The following TTLL10 variants were observed in gnomAD, a reference collection of about 807,000 sequenced individuals.
TTLL10 encodes tubulin tyrosine ligase like 10.
In TTLL10, 61 loss-of-function variants were observed where a neutral mutation model predicts 69.0. That is an observed-to-expected ratio of 0.88 (90% CI 0.72 to 1.09). The LOEUF is 1.09. Among genes scored for constraint, TTLL10 ranks in the 50% least tolerant of loss-of-function variants. The pLI is 0.00. For missense variants in TTLL10, 962 were observed against 945.9 expected (o/e 1.02, Z -0.22); for synonymous variants, 408 against 393.3 (o/e 1.04, Z -0.44).
At chr1:1,178,946 T>G (rs1646953305) in intron 3 of TTLL10, among the ~76,000 whole-genome samples, 1 of 152,088 alleles carries the variant, frequency 6.6e-6, no homozygotes, top group African/African-American at 2.4e-5. Context: ...GAAGAGCCGC[T>G]CCGGCCAGGG....
rs1192208741 is a variant in TTLL10, at chr1:1,180,842, C to T, written c.737C>T (p.Pro246Leu). The T allele has an allele frequency of 3.8e-6, 6 of 1,573,914 alleles. No homozygotes were observed. Among genetic ancestry groups the T allele is most frequent in the Admixed American group, 1.8e-5 (1 of 55,830 alleles). ...GCCATGAGCAAGGCCAGCAAGGTGC[C>T]GGGGGGGGTCCAGGCCAGGTGAGTC... ...ARAMSKASKV[P>L]GGVQARLEKD... The change falls in exon 8 of 16, where the codon CCG becomes CTG. Residue 246 changes from proline to leucine, a missense_variant. Physicochemically the swap from Pro to Leu is moderately conservative, Grantham distance 98. Coordinates refer to ENST00000379289, the MANE Select transcript of TTLL10 (RefSeq NM_001130045.2).
At chr1:1,197,054 G>C in intron 14 of TTLL10, 39 bp from the exon 15 acceptor site, 1 of 1,543,894 alleles carries the variant, frequency 6.5e-7, no homozygotes, top group South Asian at 1.2e-5. Context: ...TGGCCCAGTG[G>C]GCTCGGGGTG....
chr1:1,181,976 C>T lies in TTLL10; in HGVS notation c.830+161C>T, dbSNP rs955016244. Among the ~76,000 whole-genome samples, 2 of 152,392 alleles carry T rather than the reference C, an allele frequency of 1.3e-5. No individual in the cohort carries two copies. Among genetic ancestry groups the T allele is most frequent in the Admixed American group, 1.3e-4 (2 of 15,310 alleles). ...GCCAGGCCGAGATCCACGCTGACCC[C>T]CCAGTGCACACAGAGCTGGGGCAGG... is the stretch of plus-strand genomic sequence containing the variant. On this transcript the variant is annotated intron_variant, in intron 9 of 15. Coordinates refer to ENST00000379289, the MANE Select transcript of TTLL10 (RefSeq NM_001130045.2). The surrounding 1 kb of genome is among the most constrained non-coding windows in gnomAD (Gnocchi z 4.6).
Position 1,197,428 on chromosome 1 carries a change from C to A in TTLL10, c.1613-10C>A. 3.3e-6 allele frequency: 5 copies of A among 1,523,396 alleles called. No individual in the cohort carries two copies. Among genetic ancestry groups the A allele is most frequent in the Non-Finnish European group, 4.4e-6 (5 of 1,135,836 alleles). The allele number at this position is 1,523,396 out of a possible 1,614,324, so 94.4% of individuals were successfully genotyped here. A position where few individuals can be genotyped will look rare whatever the true frequency, so the allele number is the denominator to read the frequency against. On this transcript the variant is annotated splice_polypyrimidine_tract_variant and intron_variant, in intron 15 of 15. Transcript: ENST00000379289. Reference sequence around the variant, plus strand: ...CCCCCCACTCACCCTCTCTCCCCCACCCGCACCAGACCTGGTGCTCGAGAC... The same window carrying A: ...CCCCCCACTCACCCTCTCTCCCCCAACCGCACCAGACCTGGTGCTCGAGAC...
At chr1:1,190,981 A>G (rs1647731522) in intron 13 of TTLL10, among the ~76,000 whole-genome samples, 1 of 152,002 alleles carries the variant, frequency 6.6e-6, no homozygotes, top group Admixed American at 6.6e-5. Context: ...ACCTGCCACC[A>G]CGCCTGGCTA....
At position 1,177,513 on chromosome 1, in the gene TTLL10, A is replaced by G. The variant is rs1259642933; in HGVS notation, c.-27-1676A>G. Among the ~76,000 whole-genome samples the G allele has an allele frequency of 3.9e-5, 6 of 152,242 alleles. No individual in the cohort carries two copies. In the East Asian group the frequency reaches 1.2e-3, roughly 29 times the overall value. On this transcript the variant is annotated intron_variant, in intron 3 of 15. Transcript: ENST00000379289. ...TTTTTAGTAGAGACAAGGTTTCATC[A>G]TATTAGCCAGGATGGTCTCAATCTC...
intron 13 of TTLL10, among the ~76,000 whole-genome samples, chr1:1,187,356 G>A (rs1205023813): frequency 6.6e-6 from 1 of 152,100 alleles, no homozygotes; most frequent in African/African-American, 2.4e-5. Context: ...TGTGCCAGGT[G>A]CGGTGACTCA....
In TTLL10 at chr1:1,181,767, C is replaced by T. The variant is rs1345708939; in HGVS notation, c.782C>T (p.Ala261Val). 5.0e-6 allele frequency: 8 copies of T among 1,607,992 alleles called. No individual in the cohort carries two copies. The Admixed American group carries it at 1.0e-4, about 20-fold the overall frequency. ...CTGGAAAAGGACGCAGCAGCGCCCG[C>T]CCTGGAGGACCTCCCGTGGACAAGC... ...ARLEKDAAAP[A>V]LEDLPWTSPG... Residue 261 changes from alanine (A) to valine (V), a missense_variant, in exon 9 of 16, where the codon GCC becomes GTC. By Grantham distance (64) the Ala-to-Val change is moderately conservative. Transcript: ENST00000379289. The surrounding 1 kb of genome is among the most constrained non-coding windows in gnomAD (Gnocchi z 4.6).
chr1:1,177,080 CTGTGTG>C (rs530565264), intron 3 of TTLL10, among the ~76,000 whole-genome samples: 3 of 146,560 alleles, frequency 2.0e-5, no homozygotes, highest in Non-Finnish European at 4.5e-5. Flanking sequence ...GTGTGGGTGT[CTGTGTG>C]TGTGTCTGTG....
chr1:1,193,480 T>G (rs918138524), intron 13 of TTLL10, among the ~76,000 whole-genome samples: 4 of 152,008 alleles, frequency 2.6e-5, no homozygotes, highest in Non-Finnish European at 5.9e-5. Flanking sequence ...TTTTTTTTTT[T>G]GAAACGGAGT....
Position 1,180,186 on chromosome 1 carries a change from A to C in TTLL10, c.352A>C (p.Asn118His). 1 of 1,611,300 alleles carries C rather than the reference A, an allele frequency of 6.2e-7. No homozygotes were observed. Among genetic ancestry groups the C allele is most frequent in the African/African-American group, 1.3e-5 (1 of 74,992 alleles). The stretch of plus-strand genomic sequence containing the variant: ...CACACCCGGACCCCCTGGGCTCCTG[A>C]ACAGCCACCGGCCTGCAGACTCGGA... Reference protein sequence around the residue: ...SATPGPPGLLNSHRPADSDDT... With the variant: ...SATPGPPGLLHSHRPADSDDT... Residue 118 changes from asparagine to histidine, a missense_variant, in exon 6 of 16, where the codon AAC becomes CAC. Transcript: ENST00000379289.
chr1:1,185,015 C>G lies in TTLL10; in HGVS notation c.1307C>G (p.Thr436Arg). 6.2e-7 allele frequency: 1 copy of G among 1,613,814 alleles called. No individual in the cohort carries two copies. The highest frequency in any genetic ancestry group is 1.3e-5 in the African/African-American group (1 of 75,060). Reference sequence around the variant, plus strand: ...CTGTACATGCTGCTGAAGGAGCACACGGTGTGGAGCATGGAACACCTCAAC... The same window carrying G: ...CTGTACATGCTGCTGAAGGAGCACAGGGTGTGGAGCATGGAACACCTCAAC... ...SPLYMLLKEH[T>R]VWSMEHLNRY... Residue 436 changes from threonine to arginine, a missense_variant, in exon 13 of 16, where the codon ACG becomes AGG. By Grantham distance (71) the Thr-to-Arg change is moderately conservative. Transcript: ENST00000379289. This position sits in a 1 kb window ranked among gnomAD's most constrained non-coding sequence, Gnocchi z 6.1.
At position 1,183,006 on chromosome 1, in the gene TTLL10, C is replaced by G. The variant is rs752651634; in HGVS notation, c.1047C>G (p.His349Gln). 11 of 1,609,816 alleles carry G rather than the reference C, an allele frequency of 6.8e-6. No individual in the cohort carries two copies. The highest frequency in any genetic ancestry group is 1.3e-5 in the African/African-American group (1 of 74,810). The stretch of plus-strand genomic sequence containing the variant: ...GCATGGAGGACGACCCCATCCACCA[C>G]AAGACGCCGTTCCGGGGGCCTCAGG... ...TRSMEDDPIHHKTPFRGPQAR... is the reference protein window; with the variant it reads ...TRSMEDDPIHQKTPFRGPQAR... Residue 349 changes from histidine to glutamine, a missense_variant, in exon 11 of 16, where the codon CAC becomes CAG. Physicochemically the swap from His to Gln is conservative, Grantham distance 24. Coordinates refer to ENST00000379289, the MANE Select transcript of TTLL10 (RefSeq NM_001130045.2).
At chr1:1,188,640 G>A (rs1490093551) in intron 13 of TTLL10, among the ~76,000 whole-genome samples, 1 of 152,108 alleles carries the variant, frequency 6.6e-6, no homozygotes, top group African/African-American at 2.4e-5. Context: ...CCTGACCTCA[G>A]GCGATCTGCC....
intron 13 of TTLL10, among the ~76,000 whole-genome samples, chr1:1,186,350 A>G (rs1183381612): frequency 2.0e-5 from 3 of 152,078 alleles, no homozygotes; most frequent in Non-Finnish European, 2.9e-5. Context: ...CAGCCTCCCA[A>G]AGTGCTGGGA....
At chr1:1,194,691 T>C (rs1271174278) in intron 13 of TTLL10, among the ~76,000 whole-genome samples, 1 of 152,188 alleles carries the variant, frequency 6.6e-6, no homozygotes, top group East Asian at 1.9e-4. Context: ...CATCTTTCTG[T>C]GGATGCCTCA....
chr1:1,186,395 C>A (rs777995143), intron 13 of TTLL10, among the ~76,000 whole-genome samples: 13 of 152,164 alleles, frequency 8.5e-5, no homozygotes, highest in African/African-American at 3.1e-4. Flanking sequence ...AGCCATGTAT[C>A]CCTTTCATAC....
At position 1,180,426 on chromosome 1, in the gene TTLL10, G is replaced by A. The variant is rs1327802775; in HGVS notation, c.507-57G>A. On this transcript the variant is annotated intron_variant, in intron 6 of 15. Transcript: ENST00000379289. Reference sequence around the variant, plus strand: ...CCAGCCCGGCCTCCGCTGGCCGCCCGCCATCCCCAACCCCTTGCCTCGGCC... The same window carrying A: ...CCAGCCCGGCCTCCGCTGGCCGCCCACCATCCCCAACCCCTTGCCTCGGCC... The A allele has an allele frequency of 8.5e-6, 13 of 1,537,072 alleles. No individual in the cohort carries two copies. In the African/African-American group the frequency reaches 1.1e-4, roughly 13 times the overall value.
At position 1,181,153 on chromosome 1, in the gene TTLL10, G is replaced by A. The variant is rs1052958726; in HGVS notation, c.755+293G>A. On this transcript the variant is annotated intron_variant, in intron 8 of 15. Coordinates refer to ENST00000379289, the MANE Select transcript of TTLL10 (RefSeq NM_001130045.2). This position sits in a 1 kb window ranked among gnomAD's most constrained non-coding sequence, Gnocchi z 4.6. ...GTCCCATAAACCCACCCTCTTCCTC[G>A]TGGCTGAACGGGGAAGATCCCACAC... Among the ~76,000 whole-genome samples the A allele has an allele frequency of 3.3e-5, 5 of 150,100 alleles. No individual in the cohort carries two copies. The highest frequency in any genetic ancestry group is 2.0e-4 in the East Asian group (1 of 5,084).
Sources: gnomAD v4.1 joint callset for allele counts (sites outside exome capture counted in the v4.1 genomes callset) on GRCh38, gnomAD v4.1.1 for gene constraint, Gnocchi (gnomAD v3.1) non-coding constraint, MANE v1.5 for transcripts, NCBI Gene and HGNC (gene_info 2026-07-23, HGNC 2026-07-21) for gene names.